KALRN: variants seen among roughly 807,000 people sequenced by gnomAD.
The protein encoded by KALRN is kalirin RhoGEF kinase, also known as kalirin.
KALRN carries 70 observed loss-of-function variants against 353.7 expected under a neutral mutation model. That is an observed-to-expected ratio of 0.20 (90% CI 0.16 to 0.24). KALRN has a LOEUF of 0.24. KALRN is among the 10% of genes least tolerant of loss of function. The probability of loss-of-function intolerance (pLI) is 1.00; values close to 1 mark genes in which losing one functional copy is unlikely to be tolerated. For missense variants in KALRN, 2,791 were observed against 3,756.7 expected (o/e 0.74, Z 6.72); for synonymous variants, 1,391 against 1,434.8 (o/e 0.97, Z 0.69).
chr3:124,471,978 A>C (rs965008085), intron 25 of KALRN, among the ~76,000 whole-genome samples: 3 of 151,514 alleles, frequency 2.0e-5, no homozygotes, highest in African/African-American at 7.3e-5. Flanking sequence ...AAAAAAAAAA[A>C]AAAAAACAAC....
chr3:124,266,247 A>G (rs538816379), intron 4 of KALRN, among the ~76,000 whole-genome samples: 3 of 152,366 alleles, frequency 2.0e-5, no homozygotes, highest in Non-Finnish European at 4.4e-5. Context: ...GTGATAAAAC[A>G]ATATGGACAC....
chr3:124,123,637 T>C (rs2064296218), intron 1 of KALRN, among the ~76,000 whole-genome samples: 1 of 152,198 alleles, frequency 6.6e-6, no homozygotes, highest in Non-Finnish European at 1.5e-5. Context: ...AAACAACAGA[T>C]TTTCAATGTA....
intron 1 of KALRN, among the ~76,000 whole-genome samples, chr3:124,059,865 T>C (rs2041858169): frequency 6.6e-6 from 1 of 152,234 alleles, no homozygotes; most frequent in Admixed American, 6.5e-5. Flanking sequence ...AGCATTGATG[T>C]GTTTCCCTCA....
At chr3:124,079,955 G>A (rs914722198) in intron 1 of KALRN, 4 of 457,556 alleles carry the variant, frequency 8.7e-6, no homozygotes, top group Non-Finnish European at 1.8e-5. Context: ...AGGTTAAACA[G>A]TCATAGTTCC....
intron 1 of KALRN, among the ~76,000 whole-genome samples, chr3:124,146,290 C>A (rs2067313328): frequency 1.3e-5 from 2 of 152,136 alleles, no homozygotes; most frequent in Non-Finnish European, 2.9e-5. Context: ...AGAAAGGAAG[C>A]ATTTAGAAAC....
At chr3:124,569,341 C>A (rs1020508114) in intron 34 of KALRN, among the ~76,000 whole-genome samples, 3 of 152,080 alleles carry the variant, frequency 2.0e-5, no homozygotes, top group Non-Finnish European at 4.4e-5. Flanking sequence ...GGTGGAGAAC[C>A]GTGGATAAAA....
chr3:124,268,970 C>A lies in KALRN; in HGVS notation c.684C>A (p.Leu228=). The A allele has an allele frequency of 6.2e-7, 1 of 1,614,116 alleles. No homozygotes were observed. Among genetic ancestry groups the A allele is most frequent in the Non-Finnish European group, 8.5e-7 (1 of 1,180,008 alleles). ...FPVDVEGSRR[L]IDEHTQLKKK... ...TGGATGTGGAGGGCTCTCGGCGGCT[C>A]ATTGACGAACACACACAGCTCAAGA... The change falls in exon 5 of 60, where the codon CTC becomes CTA. Residue 228 remains leucine, a synonymous_variant. Coordinates refer to ENST00000682506, the MANE Select transcript of KALRN (RefSeq NM_001388419.1).
chr3:124,317,051 C>T (rs2149344394), intron 6 of KALRN, among the ~76,000 whole-genome samples: 1 of 152,310 alleles, frequency 6.6e-6, no homozygotes, highest in Non-Finnish European at 1.5e-5. Context: ...ATTCCACCTA[C>T]CAGGCTCCTG....
intron 1 of KALRN, among the ~76,000 whole-genome samples, chr3:124,210,979 C>G (rs1188502277): frequency 1.3e-5 from 2 of 152,198 alleles, no homozygotes; most frequent in African/African-American, 4.8e-5. Context: ...AGCATGCTCT[C>G]TGGAGGCAGC....
chr3:124,242,963 A>C (rs1560336562), intron 3 of KALRN, among the ~76,000 whole-genome samples: 1 of 152,210 alleles, frequency 6.6e-6, no homozygotes, highest in East Asian at 1.9e-4. Context: ...AAGACCATAG[A>C]AACTATTTAA....
chr3:124,698,190 G>A (rs952724173), intron 55 of KALRN, among the ~76,000 whole-genome samples: 12 of 152,162 alleles, frequency 7.9e-5, no homozygotes, highest in African/African-American at 2.9e-4. Flanking sequence ...GCTGCTGGCT[G>A]CTGTGAAACT....
At chr3:124,287,676 T>A (rs1428516893) in intron 5 of KALRN, among the ~76,000 whole-genome samples, 1 of 149,728 alleles carries the variant, frequency 6.7e-6, no homozygotes, top group African/African-American at 2.5e-5. Flanking sequence ...AGACCATAAG[T>A]CTCCACGTGA....
rs2063405377 is a variant in KALRN at position 124,725,255 on chromosome 3, C to T, written c.*5785C>T. 2 of 152,188 alleles carry T rather than the reference C, an allele frequency of 1.3e-5. No homozygotes were observed. Among genetic ancestry groups the T allele is most frequent in the Non-Finnish European group, 2.9e-5 (2 of 68,030 alleles). The allele number at this position is 152,188 out of a possible 1,614,324, so 9.4% of individuals were successfully genotyped here. A position where few individuals can be genotyped will look rare whatever the true frequency, so the allele number is the denominator to read the frequency against. ...ATACATCTTCTCTTACTAACTTAAG[C>T]CATATCTGTCAACTCTATGTTTGAT... On this transcript the variant is annotated 3_prime_UTR_variant, in exon 60 of 60. Transcript: ENST00000682506.
At chr3:124,277,457 C>A (rs542219969) in intron 5 of KALRN, among the ~76,000 whole-genome samples, 1 of 152,190 alleles carries the variant, frequency 6.6e-6, no homozygotes, top group Non-Finnish European at 1.5e-5. Flanking sequence ...TTATTTCCAG[C>A]CTGCTGGTCC....
rs554019106 is a variant in KALRN at position 124,406,745 on chromosome 3, G to A, written c.2347-6725G>A. 3.9e-5 allele frequency among the ~76,000 whole-genome samples: 6 copies of A among 151,942 alleles called. No individual in the cohort carries two copies. In the South Asian group the frequency reaches 8.3e-4, roughly 21 times the overall value. On this transcript the variant is annotated intron_variant, in intron 13 of 59. Transcript: ENST00000682506. The stretch of plus-strand genomic sequence containing the variant: ...TGAGAGACAGTAATGCCGTGATCAA[G>A]TGTGTAGTATTTTGAGTTAGACTGC...
chr3:124,587,603 G>A (rs1348626207), intron 34 of KALRN, among the ~76,000 whole-genome samples: 1 of 151,732 alleles, frequency 6.6e-6, no homozygotes, highest in Non-Finnish European at 1.5e-5. Flanking sequence ...TCACATTTGA[G>A]GAAAATATGG....
Position 124,671,846 on chromosome 3 carries a change from G to A in KALRN, c.6890G>A (p.Gly2297Asp), listed in dbSNP as rs759710043. The A allele has an allele frequency of 3.2e-5, 51 of 1,614,028 alleles. No homozygotes were observed. Among genetic ancestry groups the A allele is most frequent in the Non-Finnish European group, 4.2e-5 (50 of 1,180,036 alleles). The change falls in exon 48 of 60, where the codon GGC (glycine) becomes GAC (aspartate). Residue 2297 changes from glycine to aspartate, a missense_variant. Gly to Asp is a moderately conservative substitution (Grantham distance 94). This residue lies in a region of KALRN where 1,065 missense variants were observed against 1,156.4 expected (regional missense o/e 0.92). Coordinates refer to ENST00000682506, the MANE Select transcript of KALRN (RefSeq NM_001388419.1). Reference sequence around the variant, plus strand: ...CCCCTGAAGATATCTACCTCCAATGGCAGTCCAGGGTTTGAATACCACCAG... The same window carrying A: ...CCCCTGAAGATATCTACCTCCAATGACAGTCCAGGGTTTGAATACCACCAG... ...LPPLKISTSN[G>D]SPGFEYHQPG...
chr3:124,246,704 C>T (rs2070327452), intron 3 of KALRN, among the ~76,000 whole-genome samples: 1 of 152,132 alleles, frequency 6.6e-6, no homozygotes, highest in Non-Finnish European at 1.5e-5. Context: ...CTATGGCTCA[C>T]CAAGAGCAGG....
chr3:124,554,495 TGA>T (rs1228679295), intron 33 of KALRN, among the ~76,000 whole-genome samples: 1 of 152,232 alleles, frequency 6.6e-6, no homozygotes, highest in Non-Finnish European at 1.5e-5. Context: ...TTTTAACTTC[TGA>T]GAGCTCTTTC....
Sources: gnomAD v4.1 joint callset for allele counts (sites outside exome capture counted in the v4.1 genomes callset) on GRCh38, gnomAD v4.1.1 for gene constraint, gnomAD v4.1.1 regional missense constraint, MANE v1.5 for transcripts, NCBI Gene and HGNC (gene_info 2026-07-23, HGNC 2026-07-21) for gene names.